OR3A2: variants seen among roughly 807,000 people sequenced by gnomAD.
OR3A2 encodes olfactory receptor 3A2.
For missense variants in OR3A2, 318 were observed against 392.8 expected, an observed-to-expected ratio of 0.81 and a Z score of 1.61; for synonymous variants, 126 against 159.3, an observed-to-expected ratio of 0.79 and a Z score of 1.57.
At chr17:3,323,508 T>G (rs938713562) in intron 3 of OR3A2, among the ~76,000 whole-genome samples, 8 of 152,122 alleles carry the variant, frequency 5.3e-5, no homozygotes, top group Non-Finnish European at 8.8e-5. Flanking sequence ...GTTGTTCCTT[T>G]CCATGTTTAG....
At chr17:3,292,982 GA>G (rs2048889377) in intron 3 of OR3A2, among the ~76,000 whole-genome samples, 1 of 151,892 alleles carries the variant, frequency 6.6e-6, no homozygotes, top group African/African-American at 2.4e-5. Flanking sequence ...AAAACAAGCA[GA>G]AAAATAAACA....
intron 2 of OR3A2, among the ~76,000 whole-genome samples, chr17:3,338,915 C>A (rs2049293203): frequency 6.6e-6 from 1 of 152,152 alleles, no homozygotes; most frequent in African/African-American, 2.4e-5. Context: ...AATGTTCTTC[C>A]ATTTGCTTCT....
At chr17:3,312,306 C>T (rs73979521) in intron 3 of OR3A2, among the ~76,000 whole-genome samples, 2,628 of 151,904 alleles carry the variant, frequency 0.017, 81 homozygotes, top group African/African-American at 0.059. Context: ...TATTTGTATT[C>T]GAGTGTTGGG....
chr17:3,324,857 TTTC>T (rs2049157385), intron 3 of OR3A2, among the ~76,000 whole-genome samples: 1 of 152,026 alleles, frequency 6.6e-6, no homozygotes, highest in African/African-American at 2.4e-5. Flanking sequence ...AAGCTGAGAT[TTTC>T]TTCTTATGTG....
intron 3 of OR3A2, among the ~76,000 whole-genome samples, chr17:3,332,512 G>A (rs2049245315): frequency 6.6e-6 from 1 of 152,168 alleles, no homozygotes; most frequent in Non-Finnish European, 1.5e-5. Flanking sequence ...GGAACTCCCT[G>A]ACCCCTTGCA....
chr17:3,337,902 G>A (rs1337007718), intron 2 of OR3A2, among the ~76,000 whole-genome samples: 2 of 152,174 alleles, frequency 1.3e-5, no homozygotes, highest in Non-Finnish European at 2.9e-5. Context: ...CAGTGTAAAA[G>A]TGTTCCTATT....
chr17:3,337,060 A>T (rs924348498), intron 2 of OR3A2, among the ~76,000 whole-genome samples: 1 of 152,132 alleles, frequency 6.6e-6, no homozygotes, highest in African/African-American at 2.4e-5. Flanking sequence ...CTGCTTCCAA[A>T]CCCAAAATGG....
chr17:3,281,661 T>C (rs201653880), intron 1 of OR3A2, among the ~76,000 whole-genome samples: 2 of 151,882 alleles, frequency 1.3e-5, no homozygotes, highest in African/African-American at 2.4e-5. Context: ...TTGTTTTGTT[T>C]TCTCATTTTA....
At chr17:3,319,182 A>G (rs2150634600) in intron 3 of OR3A2, among the ~76,000 whole-genome samples, 1 of 152,268 alleles carries the variant, frequency 6.6e-6, no homozygotes, top group East Asian at 1.9e-4. Flanking sequence ...ATTCTACTGT[A>G]TGCAAGGACA....
chr17:3,326,761 A>T (rs2049178796), intron 3 of OR3A2, among the ~76,000 whole-genome samples: 2 of 131,406 alleles, frequency 1.5e-5, no homozygotes, highest in Admixed American at 1.7e-4. Flanking sequence ...TGTCCATGTG[A>T]TCTCATTGTT....
At chr17:3,363,280 G>C (rs1223953850) in intron 2 of OR3A2, among the ~76,000 whole-genome samples, 1 of 151,736 alleles carries the variant, frequency 6.6e-6, no homozygotes, top group Non-Finnish European at 1.5e-5. Flanking sequence ...TTTAGAAACA[G>C]CTAGGTCGCA....
intron 1 of OR3A2, among the ~76,000 whole-genome samples, chr17:3,281,460 T>C (rs916646417): frequency 6.6e-6 from 1 of 152,082 alleles, no homozygotes; most frequent in South Asian, 2.1e-4. Flanking sequence ...GGTGTCGATC[T>C]CTTGACCTTG....
At chr17:3,300,917 C>T (rs1410077660) in intron 3 of OR3A2, among the ~76,000 whole-genome samples, 1 of 150,190 alleles carries the variant, frequency 6.7e-6, no homozygotes, top group African/African-American at 2.5e-5. Flanking sequence ...GTTCAATTCC[C>T]ACCTATGAGT....
intron 3 of OR3A2, chr17:3,310,537 G>A (rs190069409): frequency 6.3e-5 from 34 of 536,016 alleles, no homozygotes; most frequent in African/African-American, 5.4e-4. Flanking sequence ...GATGTGGGGT[G>A]TGTCAGTGTC....
At position 3,373,444 on chromosome 17, in the gene OR3A2, T is replaced by C. The variant is rs148983049; in HGVS notation, c.-179+10360A>G. 7.8e-3 allele frequency among the ~76,000 whole-genome samples: 1,191 copies of C among 152,318 alleles called. 11 individuals carry two copies. The highest frequency in any genetic ancestry group is 0.027 in the African/African-American group (1,104 of 41,564). ...CATCTATCTCATTTCTTAGTTCTAG[T>C]AGTAATTGTTTTATACATTTGGGAG... On this transcript the variant is annotated intron_variant, in intron 2 of 4. Transcript: ENST00000573491.
At chr17:3,361,598 CTAAT>C (rs903365789) in intron 2 of OR3A2, among the ~76,000 whole-genome samples, 1 of 151,592 alleles carries the variant, frequency 6.6e-6, no homozygotes, top group Non-Finnish European at 1.5e-5. Context: ...CCATCAATAC[CTAAT>C]TTATTGAGAG....
intron 3 of OR3A2, among the ~76,000 whole-genome samples, chr17:3,305,137 GCATAAACAACAGA>G (rs2048990319): frequency 6.6e-6 from 1 of 152,198 alleles, no homozygotes; most frequent in South Asian, 2.1e-4. Context: ...TATTAAGTTT[GCATAAACAACAGA>G]CATAAACATA....
chr17:3,325,965 G>A (rs2049168259), intron 3 of OR3A2, among the ~76,000 whole-genome samples: 1 of 151,922 alleles, frequency 6.6e-6, no homozygotes, highest in Non-Finnish European at 1.5e-5. Flanking sequence ...TGAAGGTTCT[G>A]GTGTGTGTTG....
chr17:3,292,377 A>G, intron 3 of OR3A2: 1 of 1,614,038 alleles, frequency 6.2e-7, no homozygotes, highest in East Asian at 2.2e-5. Flanking sequence ...CAGCACTGAT[A>G]GGTTCCCCAG....
Sources: gnomAD v4.1 joint callset for allele counts (sites outside exome capture counted in the v4.1 genomes callset) on GRCh38, gnomAD v4.1.1 for gene constraint, MANE v1.5 for transcripts, NCBI Gene and HGNC (gene_info 2026-07-23, HGNC 2026-07-21) for gene names.